LINC00305: variants seen among roughly 807,000 people sequenced by gnomAD.
LINC00305 encodes the protein long independently transcribed non-coding RNA 305.
intron 3 of LINC00305, among the ~76,000 whole-genome samples, chr18:64,080,910 A>G (rs2051182487): frequency 6.6e-6 from 1 of 152,192 alleles, no homozygotes; most frequent in Non-Finnish European, 1.5e-5. Context: ...TTATTAATAA[A>G]AGAAAAAGAA....
rs142572577 is a variant in LINC00305, at chr18:64,085,041, T to C, written n.541-4639A>G. On this transcript the variant is annotated intron_variant and non_coding_transcript_variant, in intron 3 of 3. Coordinates refer to ENST00000666468, the Ensembl canonical transcript of LINC00305. ...TGTGGAATATAAGTGACTAGTGCTC[T>C]ACGAAAAAATTGTGGATGTGCATTC... 9.2e-5 allele frequency among the ~76,000 whole-genome samples: 14 copies of C among 152,306 alleles called. No homozygotes were observed. The East Asian group carries it at 2.1e-3, about 23-fold the overall frequency.
intron 1 of LINC00305, among the ~76,000 whole-genome samples, chr18:64,146,394 C>T (rs7235953): frequency 0.82 from 124,447 of 152,132 alleles, 51,079 homozygotes; most frequent in Middle Eastern, 0.9. Flanking sequence ...TGTGTAAATA[C>T]GCAATGAAAG....
chr18:64,086,312 TA>T (rs1414983923), intron 3 of LINC00305, among the ~76,000 whole-genome samples: 1 of 152,172 alleles, frequency 6.6e-6, no homozygotes, highest in Admixed American at 6.5e-5. Flanking sequence ...GTTAAGTTGG[TA>T]AGATAAATGG....
rs75739097 is a variant in LINC00305, at chr18:64,098,381, G to A, written n.378+196C>T. ...AAGGAGGATAATTCTTTTTTAATTG[G>A]CATGGATCACACACCAGTTCCACAT... On this transcript the variant is annotated intron_variant and non_coding_transcript_variant, in intron 2 of 3. Transcript: ENST00000666468. Among the ~76,000 whole-genome samples, 1,105 of 152,176 alleles carry A rather than the reference G, an allele frequency of 7.3e-3. 33 individuals are homozygous for A. In the East Asian group the frequency reaches 0.095, roughly 13 times the overall value.
intron 1 of LINC00305, among the ~76,000 whole-genome samples, chr18:64,143,687 C>CGT (rs2051480558): frequency 6.8e-6 from 1 of 146,774 alleles, no homozygotes; most frequent in African/African-American, 2.6e-5. Context: ...TGTATGTCCA[C>CGT]ATATTATGCG....
At chr18:64,122,336 T>C (rs1157476630) in intron 1 of LINC00305, among the ~76,000 whole-genome samples, 4 of 152,126 alleles carry the variant, frequency 2.6e-5, no homozygotes, top group Non-Finnish European at 5.9e-5. Context: ...GTTTATGTCT[T>C]TGATTCATCT....
intron 3 of LINC00305, among the ~76,000 whole-genome samples, chr18:64,094,632 G>T (rs531311712): frequency 1.3e-5 from 2 of 152,112 alleles, no homozygotes; most frequent in South Asian, 2.1e-4. Context: ...GGAGGCTGAG[G>T]GGGGCAGATC....
chr18:64,080,405 G>C (rs1356646158), intron 3 of LINC00305: 2 of 449,380 alleles, frequency 4.5e-6, no homozygotes, highest in Admixed American at 2.4e-5. Context: ...CCTGCATGCT[G>C]TACAAACAAA....
intron 1 of LINC00305, among the ~76,000 whole-genome samples, chr18:64,114,567 G>C (rs1212265415): frequency 6.6e-6 from 1 of 152,152 alleles, no homozygotes; most frequent in Non-Finnish European, 1.5e-5. Context: ...TGGTTTGTTT[G>C]AGATGGAGTC....
chr18:64,124,848 T>G (rs2051377935), intron 1 of LINC00305, among the ~76,000 whole-genome samples: 1 of 152,146 alleles, frequency 6.6e-6, no homozygotes, highest in South Asian at 2.1e-4. Context: ...TTAAATAAAC[T>G]GTCTAGAATC....
chr18:64,082,308 G>T (rs759968501), intron 3 of LINC00305, among the ~76,000 whole-genome samples: 2 of 151,626 alleles, frequency 1.3e-5, no homozygotes, highest in Non-Finnish European at 2.9e-5. Context: ...AGGGACAGAA[G>T]ACAACAGAGA....
intron 1 of LINC00305, among the ~76,000 whole-genome samples, chr18:64,108,853 G>A (rs1453431131): frequency 1.3e-5 from 2 of 152,200 alleles, no homozygotes; most frequent in African/African-American, 4.8e-5. Context: ...GGCAAAGACT[G>A]CGAAGTATTT....
At chr18:64,139,552 A>C (rs545057980) in intron 1 of LINC00305, 1 of 152,334 alleles carries the variant, frequency 6.6e-6, no homozygotes, top group African/African-American at 2.4e-5. Flanking sequence ...TGGGTGAGGC[A>C]AGTTCAGGAG....
intron 3 of LINC00305, among the ~76,000 whole-genome samples, chr18:64,094,887 T>TAAATAAATAAATAAATAAA (rs780361977): frequency 0.096 from 11,051 of 114,544 alleles, 560 homozygotes; most frequent in Non-Finnish European, 0.12. Flanking sequence ...AAATAAATAA[T>TAAATAAATAAATAAATAAA]AAAATAAAAT....
chr18:64,087,546 A>G (rs1462553800), intron 3 of LINC00305, among the ~76,000 whole-genome samples: 2 of 152,192 alleles, frequency 1.3e-5, no homozygotes, highest in African/African-American at 4.8e-5. Context: ...TTGTTACTTA[A>G]TCTTGCTTAT....
At chr18:64,149,076 G>T (rs1459537768) in exon 1 of LINC00305, 1 of 152,210 alleles carries the variant, frequency 6.6e-6, no homozygotes, top group African/African-American at 2.4e-5. Flanking sequence ...AACTGAAGTG[G>T]CAGGAATGTT....
chr18:64,148,413 T>A (rs1180454447), intron 1 of LINC00305, among the ~76,000 whole-genome samples: 1 of 152,208 alleles, frequency 6.6e-6, no homozygotes, highest in South Asian at 2.1e-4. Context: ...ATGCATTTTT[T>A]TTTTTTTGCT....
At chr18:64,115,361 G>T (rs1376772008) in intron 1 of LINC00305, among the ~76,000 whole-genome samples, 1 of 152,202 alleles carries the variant, frequency 6.6e-6, no homozygotes, top group Non-Finnish European at 1.5e-5. Flanking sequence ...CAGGTGAGGT[G>T]CATGAGGCAA....
At chr18:64,081,916 GA>G (rs1427630725) in intron 3 of LINC00305, among the ~76,000 whole-genome samples, 1 of 152,102 alleles carries the variant, frequency 6.6e-6, no homozygotes, top group Non-Finnish European at 1.5e-5. Context: ...ACAAACAAAT[GA>G]AAAAACAGCA....
Sources: gnomAD v4.1 joint callset for allele counts (sites outside exome capture counted in the v4.1 genomes callset) on GRCh38, gnomAD v4.1.1 for gene constraint, MANE v1.5 for transcripts, NCBI Gene and HGNC (gene_info 2026-07-23, HGNC 2026-07-21) for gene names.